The following DOCK9 variants were observed in gnomAD, a reference collection of about 807,000 sequenced individuals.
DOCK9 encodes the protein dedicator of cytokinesis protein 9.
A neutral mutation model predicts 263.3 loss-of-function variants in DOCK9; 89 were observed. The observed-to-expected ratio is 0.34, with a 90% CI of 0.28 to 0.40. The LOEUF is 0.40. DOCK9 is among the 10% of genes least tolerant of loss of function. The pLI is 1.00. For synonymous variants in DOCK9, 976 were observed against 973.1 expected (o/e 1.00, Z -0.06); for missense variants, 2,140 against 2,603.4 (o/e 0.82, Z 3.87).
intron 1 of DOCK9, among the ~76,000 whole-genome samples, chr13:99,063,952 G>C (rs1023543309): frequency 2.0e-5 from 3 of 152,134 alleles, no homozygotes; most frequent in African/African-American, 7.2e-5. Context: ...TGAAATGGAG[G>C]CTCAACACTT....
At chr13:98,966,381 A>T (rs9517513) in intron 1 of DOCK9, among the ~76,000 whole-genome samples, 81,419 of 152,174 alleles carry the variant, frequency 0.54, 21,970 homozygotes, top group East Asian at 0.74. Flanking sequence ...ACACACATAC[A>T]GTAGTCTCGG....
At chr13:99,050,448 A>C (rs1298511979) in intron 1 of DOCK9, among the ~76,000 whole-genome samples, 1 of 152,156 alleles carries the variant, frequency 6.6e-6, no homozygotes, top group Non-Finnish European at 1.5e-5. Context: ...TAATCCCAGC[A>C]CTTTGGGAGG....
chr13:98,841,671 G>C (rs897105572), intron 38 of DOCK9, among the ~76,000 whole-genome samples: 2 of 150,554 alleles, frequency 1.3e-5, no homozygotes, highest in Non-Finnish European at 3.0e-5. Context: ...ACCCAGGCTG[G>C]AGTGCAGCGG....
intron 1 of DOCK9, among the ~76,000 whole-genome samples, chr13:99,011,233 G>A (rs919002202): frequency 1.6e-4 from 24 of 152,032 alleles, no homozygotes; most frequent in South Asian, 1.5e-3. Context: ...ATTTCAAAAG[G>A]ATTTAAAGTT....
chr13:98,864,114 T>C (rs1270293641), intron 30 of DOCK9, among the ~76,000 whole-genome samples: 1 of 152,244 alleles, frequency 6.6e-6, no homozygotes, highest in East Asian at 1.9e-4. Flanking sequence ...TATTCTGCTA[T>C]CCCTGAATGA....
chr13:98,831,342 A>T lies in DOCK9; in HGVS notation c.4635+6T>A. ...AATCTGTATTGGAAAGCTAAACCAC[A>T]CGCACTTGCAAATGTGTCCGGACAA... is the stretch of plus-strand genomic sequence containing the variant. On this transcript the variant is annotated splice_donor_region_variant and intron_variant, in intron 41 of 52. Transcript: ENST00000682017. 6.3e-7 allele frequency: 1 copy of T among 1,599,152 alleles called. No individual in the cohort carries two copies. The highest frequency in any genetic ancestry group is 8.5e-7 in the Non-Finnish European group (1 of 1,171,996).
At chr13:99,004,625 C>T (rs1395206607) in intron 1 of DOCK9, among the ~76,000 whole-genome samples, 1 of 152,200 alleles carries the variant, frequency 6.6e-6, no homozygotes, top group Non-Finnish European at 1.5e-5. Flanking sequence ...GTCATTTCTA[C>T]TTTGAGTCTC....
chr13:99,028,773 T>C (rs1887039896), intron 1 of DOCK9, among the ~76,000 whole-genome samples: 1 of 152,210 alleles, frequency 6.6e-6, no homozygotes, highest in African/African-American at 2.4e-5. Flanking sequence ...CACTGCATTT[T>C]AGGGAGCTGG....
intron 1 of DOCK9, among the ~76,000 whole-genome samples, chr13:99,049,724 C>T (rs959606185): frequency 1.3e-5 from 2 of 152,112 alleles, no homozygotes; most frequent in African/African-American, 4.8e-5. Flanking sequence ...CACCATGTTG[C>T]CCAGGCTGGT....
At chr13:98,844,525 A>T (rs886109561) in intron 38 of DOCK9, among the ~76,000 whole-genome samples, 5 of 151,908 alleles carry the variant, frequency 3.3e-5, no homozygotes, top group Admixed American at 2.0e-4. Context: ...AATAAGCCTG[A>T]CTAGTTTTTG....
intron 2 of DOCK9, among the ~76,000 whole-genome samples, chr13:98,940,953 C>T (rs536975889): frequency 1.3e-5 from 2 of 152,264 alleles, no homozygotes; most frequent in East Asian, 3.9e-4. Flanking sequence ...GCCTCATTGC[C>T]ACCAGAATAA....
chr13:98,833,204 C>T (rs1416851093), intron 39 of DOCK9: 1 of 97,388 alleles, frequency 1.0e-5, no homozygotes. Context: ...AATTCTCAAC[C>T]AAAAAAAAAA....
chr13:98,868,408 T>G, intron 27 of DOCK9, 31 bp from the exon 28 acceptor site: 1 of 1,580,412 alleles, frequency 6.3e-7, no homozygotes, highest in Non-Finnish European at 8.6e-7. Flanking sequence ...ACATTTATTA[T>G]TTATTAAGTT....
intron 1 of DOCK9, among the ~76,000 whole-genome samples, chr13:99,027,869 C>T (rs1886936271): frequency 6.6e-6 from 1 of 152,196 alleles, no homozygotes; most frequent in Admixed American, 6.5e-5. Context: ...ACCAGTCTCA[C>T]TACATATCCC....
intron 35 of DOCK9, among the ~76,000 whole-genome samples, chr13:98,850,818 C>A (rs2093546555): frequency 6.6e-6 from 1 of 152,142 alleles, no homozygotes; most frequent in Non-Finnish European, 1.5e-5. Context: ...CTGTGTGAAC[C>A]CTTAACAGTT....
chr13:98,873,111 C>T (rs2094231461), intron 27 of DOCK9, among the ~76,000 whole-genome samples: 4 of 152,174 alleles, frequency 2.6e-5, no homozygotes, highest in Admixed American at 2.6e-4. Context: ...CTCTTCTTAA[C>T]CTTGGGTCAC....
chr13:98,969,689 T>C (rs772342387), intron 1 of DOCK9, among the ~76,000 whole-genome samples: 1 of 152,168 alleles, frequency 6.6e-6, no homozygotes, highest in Non-Finnish European at 1.5e-5. Context: ...TTGCAAGGGT[T>C]TCCCAAAGAA....
chr13:98,988,314 T>C (rs1878962018), intron 1 of DOCK9, among the ~76,000 whole-genome samples: 1 of 152,200 alleles, frequency 6.6e-6, no homozygotes, highest in African/African-American at 2.4e-5. Context: ...AAATAATACC[T>C]TCCAAAAGCC....
rs137928983 is a variant in DOCK9 at position 98,934,362 on chromosome 13, G to T, written c.244-4105C>A. On this transcript the variant is annotated intron_variant, in intron 2 of 52. Coordinates refer to ENST00000682017, the MANE Select transcript of DOCK9 (RefSeq NM_001366683.2). ...AAGATGCCCCACCATCTCCCAGCTGGTCTCGGCCATTGCAGGCGAGATACT... is the reference window on the plus strand; with the variant it reads ...AAGATGCCCCACCATCTCCCAGCTGTTCTCGGCCATTGCAGGCGAGATACT... Among the ~76,000 whole-genome samples the T allele has an allele frequency of 3.6e-3, 543 of 152,284 alleles. 2 individuals carry two copies. The highest frequency in any genetic ancestry group is 0.012 in the African/African-American group (515 of 41,564).
Sources: gnomAD v4.1 joint callset for allele counts (sites outside exome capture counted in the v4.1 genomes callset) on GRCh38, gnomAD v4.1.1 for gene constraint, MANE v1.5 for transcripts, NCBI Gene and HGNC (gene_info 2026-07-23, HGNC 2026-07-21) for gene names.